Variants in RCOR1 observed in about 807,000 individuals in gnomAD.
RCOR1 encodes the protein REST corepressor.
A neutral mutation model predicts 64.0 loss-of-function variants in RCOR1; 12 were observed. That is an observed-to-expected ratio of 0.19 (90% CI 0.12 to 0.30). RCOR1 has a LOEUF of 0.30. RCOR1 is among the 10% of genes least tolerant of loss of function. RCOR1 has a pLI of 1.00. For missense variants in RCOR1, 502 were observed against 621.2 expected (o/e 0.81, Z 2.04); for synonymous variants, 279 against 227.2 (o/e 1.23, Z -2.05).
chr14:102,611,895 G>C (rs1171503393), intron 2 of RCOR1, among the ~76,000 whole-genome samples: 1 of 152,156 alleles, frequency 6.6e-6, no homozygotes, highest in African/African-American at 2.4e-5. Context: ...GCAGTTTTGT[G>C]ATCATAGCTC....
intron 2 of RCOR1, among the ~76,000 whole-genome samples, chr14:102,653,998 T>TCTTTCTTTGTTTCTTTCTTTCTTTC (rs1595214214): frequency 3.2e-5 from 4 of 126,612 alleles, no homozygotes; most frequent in African/African-American, 1.3e-4. Context: ...TTTTTTTTTT[T>TCTTTCTTTGTTTCTTTCTTTCTTTC]TTTTTGAGAC....
intron 2 of RCOR1, among the ~76,000 whole-genome samples, chr14:102,671,190 T>C (rs1895026879): frequency 6.6e-6 from 1 of 152,264 alleles, no homozygotes; most frequent in South Asian, 2.1e-4. Flanking sequence ...TGTGTTCATC[T>C]TTCTGTTCTG....
intron 2 of RCOR1, among the ~76,000 whole-genome samples, chr14:102,609,894 C>T (rs1893590072): frequency 6.6e-6 from 1 of 151,134 alleles, no homozygotes; most frequent in Non-Finnish European, 1.5e-5. Context: ...AATCCCAGCA[C>T]TTTGGGAGGC....
intron 11 of RCOR1, 120 bp from the exon 12 acceptor site, chr14:102,726,348 C>A: frequency 8.9e-5 from 66 of 740,900 alleles, no homozygotes; most frequent in Non-Finnish European, 1.3e-4. Context: ...AAAAAAAGAA[C>A]TCGGTGTTTG....
At chr14:102,593,430 T>G in intron 2 of RCOR1, 105 bp downstream of exon 2, 2 of 1,218,014 alleles carry the variant, frequency 1.6e-6, no homozygotes, top group Non-Finnish European at 2.2e-6. Flanking sequence ...TTTTTGTGCG[T>G]TCGCCCTGCC....
chr14:102,676,447 G>C (rs1351269569), intron 2 of RCOR1, among the ~76,000 whole-genome samples: 1 of 113,724 alleles, frequency 8.8e-6, no homozygotes, highest in Admixed American at 7.9e-5. Flanking sequence ...CCCGGACGGG[G>C]CGGCCGGCCG....
At chr14:102,633,696 C>T (rs539044037) in intron 2 of RCOR1, among the ~76,000 whole-genome samples, 4 of 152,230 alleles carry the variant, frequency 2.6e-5, no homozygotes, top group East Asian at 1.9e-4. Context: ...TTCGCCAACA[C>T]GCCCGGCTAA....
At chr14:102,724,892 G>A (rs961637422) in intron 11 of RCOR1, among the ~76,000 whole-genome samples, 1 of 152,066 alleles carries the variant, frequency 6.6e-6, no homozygotes, top group Non-Finnish European at 1.5e-5. Flanking sequence ...GATGTCTGCT[G>A]GTGTCTTGCC....
intron 8 of RCOR1, among the ~76,000 whole-genome samples, chr14:102,717,592 T>C (rs1595244603): frequency 6.6e-6 from 1 of 152,256 alleles, no homozygotes; most frequent in African/African-American, 2.4e-5. Flanking sequence ...CTGTTTGCAC[T>C]GGAAGAACTG....
intron 3 of RCOR1, among the ~76,000 whole-genome samples, chr14:102,691,488 C>A (rs1895532704): frequency 6.6e-6 from 1 of 152,174 alleles, no homozygotes; most frequent in Non-Finnish European, 1.5e-5. Context: ...ACAACTTATT[C>A]TTTGACTTGG....
intron 2 of RCOR1, among the ~76,000 whole-genome samples, chr14:102,619,979 C>G (rs1335713254): frequency 6.6e-6 from 1 of 152,162 alleles, no homozygotes; most frequent in Non-Finnish European, 1.5e-5. Context: ...ACCAGCCATC[C>G]TAGGTTGAAG....
chr14:102,603,222 AGTT>A (rs955566710), intron 2 of RCOR1, among the ~76,000 whole-genome samples: 3 of 152,016 alleles, frequency 2.0e-5, no homozygotes, highest in African/African-American at 7.3e-5. Flanking sequence ...TTTGGACTAC[AGTT>A]GTTCACCACC....
intron 2 of RCOR1, among the ~76,000 whole-genome samples, chr14:102,636,428 C>T (rs1362909739): frequency 6.6e-6 from 1 of 151,854 alleles, no homozygotes. Flanking sequence ...CAGGTGCCTG[C>T]CACCACACCC....
intron 2 of RCOR1, among the ~76,000 whole-genome samples, chr14:102,650,146 C>T (rs1024627754): frequency 6.8e-6 from 1 of 147,830 alleles, no homozygotes; most frequent in Admixed American, 6.9e-5. Flanking sequence ...TGCAGGGAGC[C>T]GAGATCGCAC....
chr14:102,720,650 G>A (rs1896154088), intron 8 of RCOR1, among the ~76,000 whole-genome samples: 1 of 152,132 alleles, frequency 6.6e-6, no homozygotes, highest in African/African-American at 2.4e-5. Flanking sequence ...TGTTACTTCA[G>A]TTCAATCCTA....
intron 11 of RCOR1, among the ~76,000 whole-genome samples, chr14:102,722,809 A>C (rs1006248394): frequency 6.6e-6 from 1 of 152,272 alleles, no homozygotes; most frequent in African/African-American, 2.4e-5. Context: ...TGCAATGTGC[A>C]GTCACATCAT....
intron 2 of RCOR1, among the ~76,000 whole-genome samples, chr14:102,608,034 C>T (rs778506368): frequency 2.6e-5 from 4 of 151,194 alleles, no homozygotes; most frequent in South Asian, 2.1e-4. Context: ...CAAGCCCGGG[C>T]GAAACAGAGA....
At chr14:102,617,697 C>T (rs1022840540) in intron 2 of RCOR1, among the ~76,000 whole-genome samples, 1 of 150,534 alleles carries the variant, frequency 6.6e-6, no homozygotes, top group Non-Finnish European at 1.5e-5. Flanking sequence ...TCAAGGGATT[C>T]TCCTGCCTCA....
At position 102,631,306 on chromosome 14, in the gene RCOR1, C is replaced by T. The variant is rs1041671622; in HGVS notation, c.361+37981C>T. On this transcript the variant is annotated intron_variant, in intron 2 of 11. Transcript: ENST00000262241. Reference sequence around the variant, plus strand: ...CAAGCCTCGCCTCCCAGGTTCACGCCGTTCTCCTGCCTCAGCCTCCCGAGT... The same window carrying T: ...CAAGCCTCGCCTCCCAGGTTCACGCTGTTCTCCTGCCTCAGCCTCCCGAGT... Among the ~76,000 whole-genome samples the T allele has an allele frequency of 4.0e-5, 6 of 151,652 alleles. No homozygotes were observed. In the East Asian group the frequency reaches 7.8e-4, roughly 20 times the overall value.
Sources: allele counts gnomAD v4.1 joint callset (sites outside exome capture counted in the v4.1 genomes callset), GRCh38; gene constraint gnomAD v4.1.1; transcripts MANE v1.5; gene names NCBI Gene and HGNC (gene_info 2026-07-23, HGNC 2026-07-21).